Variants in AAGAB observed in about 807,000 individuals in gnomAD.
AAGAB encodes alpha- and gamma-adaptin-binding protein p34.
A neutral mutation model predicts 44.1 loss-of-function variants in AAGAB; 38 were observed. The ratio of observed to expected loss-of-function variants is 0.86; its 90% CI spans 0.67 to 1.13. The LOEUF is 1.13. Among genes scored for constraint, AAGAB ranks in the 50% most tolerant of loss-of-function variants. The pLI is 0.00. For synonymous variants in AAGAB, 131 were observed against 131.8 expected, an observed-to-expected ratio of 0.99 and a Z score of 0.04; for missense variants, 450 against 373.8, an observed-to-expected ratio of 1.20 and a Z score of -1.68.
intron 1 of AAGAB, among the ~76,000 whole-genome samples, chr15:67,251,784 G>A (rs1964879614): frequency 6.6e-6 from 1 of 152,110 alleles, no homozygotes; most frequent in Non-Finnish European, 1.5e-5. Flanking sequence ...TATTATGCGG[G>A]CTCCATCTCT....
At chr15:67,250,136 A>T (rs1055606749) in intron 1 of AAGAB, among the ~76,000 whole-genome samples, 1 of 152,108 alleles carries the variant, frequency 6.6e-6, no homozygotes, top group Non-Finnish European at 1.5e-5. Flanking sequence ...CTTCATTTTA[A>T]TATTTTCACA....
Position 67,231,796 on chromosome 15 carries a change from G to C in AAGAB, c.535+18C>G. The C allele has an allele frequency of 6.3e-7, 1 of 1,588,654 alleles. No individual in the cohort carries two copies. The highest frequency in any genetic ancestry group is 8.6e-7 in the Non-Finnish European group (1 of 1,157,686). On this transcript the variant is annotated intron_variant, in intron 5 of 9. Coordinates refer to ENST00000261880, the MANE Select transcript of AAGAB (RefSeq NM_024666.5). ...AGGAACAAGAGGAAAAAAATGACTT[G>C]AGTCCCAAGTTACTTACCATTCTTC...
At chr15:67,233,219 C>A (rs1596002690) in intron 4 of AAGAB, among the ~76,000 whole-genome samples, 2 of 152,258 alleles carry the variant, frequency 1.3e-5, no homozygotes, top group Non-Finnish European at 2.9e-5. Context: ...ACTTCTTGAT[C>A]AGAGAAAGAT....
chr15:67,233,332 T>G (rs917403372), intron 4 of AAGAB, among the ~76,000 whole-genome samples: 1 of 152,190 alleles, frequency 6.6e-6, no homozygotes, highest in Admixed American at 6.5e-5. Flanking sequence ...GCTTCTGGAA[T>G]TTGACTGATA....
At chr15:67,207,668 C>T (rs959481349) in intron 7 of AAGAB, among the ~76,000 whole-genome samples, 5 of 152,090 alleles carry the variant, frequency 3.3e-5, no homozygotes, top group East Asian at 1.9e-4. Flanking sequence ...TTTAGCCTTA[C>T]GGTATCTAGT....
intron 5 of AAGAB, among the ~76,000 whole-genome samples, chr15:67,227,941 C>T (rs1480908931): frequency 6.6e-6 from 1 of 151,870 alleles, no homozygotes; most frequent in Non-Finnish European, 1.5e-5. Context: ...TGCACCAGTA[C>T]TGTCAAGAAA....
At position 67,202,855 on chromosome 15, in the gene AAGAB, T is replaced by C. The variant is rs1299604814; in HGVS notation, c.914A>G (p.Glu305Gly). ...TTCATCAGATGAAAGGCCTTCAATT[T>C]CATCTCTGTCTCCCCCGATTGCCAT... ...FWMAIGGDRD[E>G]IEGLSSDEEH is the part of the protein sequence containing the mutation. The change falls in exon 10 of 10, where the codon GAA becomes GGA. Residue 305 changes from glutamate to glycine, a missense_variant. Coordinates refer to ENST00000261880, the MANE Select transcript of AAGAB (RefSeq NM_024666.5). 40 of 1,614,104 alleles carry C rather than the reference T, an allele frequency of 2.5e-5. No homozygotes were observed. The highest frequency in any genetic ancestry group is 3.4e-5 in the Non-Finnish European group (40 of 1,179,964).
At position 67,236,709 on chromosome 15, in the gene AAGAB, A is replaced by G; in HGVS notation, c.185T>C (p.Val62Ala). 1 of 1,614,036 alleles carries G rather than the reference A, an allele frequency of 6.2e-7. No individual in the cohort carries two copies. Among genetic ancestry groups the G allele is most frequent in the Admixed American group, 1.7e-5 (1 of 60,030 alleles). The change falls in exon 2 of 10, where the codon GTG becomes GCG. Residue 62 changes from valine to alanine, a missense_variant. Transcript: ENST00000261880. ...AGTAACAAGAAATTTGTTTGGCACCACACATAGATTGATGTCTGCTGAATA... is the reference window on the plus strand; with the variant it reads ...AGTAACAAGAAATTTGTTTGGCACCGCACATAGATTGATGTCTGCTGAATA... The part of the protein sequence containing the change: ...KYYSADINLC[V>A]VPNKFLVTAE...
intron 5 of AAGAB, among the ~76,000 whole-genome samples, chr15:67,229,146 T>C (rs1480039585): frequency 1.3e-5 from 2 of 151,968 alleles, no homozygotes; most frequent in African/African-American, 2.4e-5. Context: ...AAAATAAAGG[T>C]TGGAGGGCCA....
At chr15:67,254,697 G>A, upstream of AAGAB, 1 of 1,507,396 alleles carries the variant, frequency 6.6e-7, no homozygotes, top group Non-Finnish European at 9.1e-7. Context: ...ACGGCCGCCG[G>A]CGCGAGGGGG....
chr15:67,217,140 G>C (rs982948854), intron 5 of AAGAB, among the ~76,000 whole-genome samples: 1 of 152,140 alleles, frequency 6.6e-6, no homozygotes, highest in East Asian at 1.9e-4. Flanking sequence ...ACAACTGTCA[G>C]AGTATCCATT....
intron 5 of AAGAB, among the ~76,000 whole-genome samples, chr15:67,228,752 A>T (rs1316541356): frequency 6.6e-6 from 1 of 152,186 alleles, no homozygotes; most frequent in African/African-American, 2.4e-5. Context: ...GGACTGGATT[A>T]AAAAAATGTG....
At chr15:67,245,062 T>C (rs1964689562) in intron 1 of AAGAB, among the ~76,000 whole-genome samples, 1 of 152,108 alleles carries the variant, frequency 6.6e-6, no homozygotes, top group African/African-American at 2.4e-5. Context: ...TATGGGAATA[T>C]AAAATGGTGC....
chr15:67,231,854 G>T lies in AAGAB; in HGVS notation c.495C>A (p.Ala165=), dbSNP rs750244758. ...ESTGVKRIVQ[A]LNANVWSNVV... is the part of the protein sequence containing the mutation. ...CATTGGACCACACATTGGCATTCAGGGCTTGGACAATTCGCTTTACTCCTG... is the reference window on the plus strand; with the variant it reads ...CATTGGACCACACATTGGCATTCAGTGCTTGGACAATTCGCTTTACTCCTG... The change falls in exon 5 of 10, where the codon GCC becomes GCA. Residue 165 remains alanine (A), a synonymous_variant. Transcript: ENST00000261880. The T allele has an allele frequency of 6.2e-7, 1 of 1,612,650 alleles. No individual in the cohort carries two copies. The highest frequency in any genetic ancestry group is 8.5e-7 in the Non-Finnish European group (1 of 1,178,944).
At position 67,203,595 on chromosome 15, in the gene AAGAB, T is replaced by G; in HGVS notation, c.823A>C (p.Lys275Gln). ...TGCTCATGAGGAAGCGTCGCAGCCT[T>G]GTCTAGGGGGAAAATATATCTTAAG... ...LFSKLKEMKD[K>Q]AATLPHEQRK... Residue 275 changes from lysine to glutamine, a missense_variant and splice_region_variant, in exon 9 of 10, where the codon AAG becomes CAG. Lys to Gln is a moderately conservative substitution (Grantham distance 53). Coordinates refer to ENST00000261880, the MANE Select transcript of AAGAB (RefSeq NM_024666.5). 6.2e-7 allele frequency: 1 copy of G among 1,613,458 alleles called. No individual in the cohort carries two copies. The highest frequency in any genetic ancestry group is 8.5e-7 in the Non-Finnish European group (1 of 1,179,758).
In AAGAB at chr15:67,201,349, C is replaced by T. The variant is rs906277249; in HGVS notation, c.*1472G>A. 6.6e-6 allele frequency: 1 copy of T among 152,222 alleles called. No individual in the cohort carries two copies. Among genetic ancestry groups the T allele is most frequent in the Non-Finnish European group, 1.5e-5 (1 of 68,048 alleles). 9.4% of individuals were successfully genotyped at this position (152,222 alleles called of 1,614,324 possible). On this transcript the variant is annotated 3_prime_UTR_variant, in exon 10 of 10. Coordinates refer to ENST00000261880, the MANE Select transcript of AAGAB (RefSeq NM_024666.5). The stretch of plus-strand genomic sequence containing the variant: ...CAATGTCCAGTGTTCCCTGGAAAGC[C>T]TCTTCCTGAATGCTCCAGTCACTGA...
In AAGAB at chr15:67,236,427, G is replaced by A. The variant is rs1044353187; in HGVS notation, c.342C>T (p.Cys114=). Residue 114 remains cysteine (C), a synonymous_variant, in exon 3 of 10, where the codon TGC becomes TGT. Transcript: ENST00000261880. ...AWLPEVMILV[C]DRVSEDGINR... is the part of the protein sequence containing the mutation. ...CCTTACCATCTTCAGACACTCTATCGCAGACCAAGATCATCACCTCAGGTA... is the reference window on the plus strand; with the variant it reads ...CCTTACCATCTTCAGACACTCTATCACAGACCAAGATCATCACCTCAGGTA... 23 of 1,613,860 alleles carry A rather than the reference G, an allele frequency of 1.4e-5. No homozygotes were observed. The highest frequency in any genetic ancestry group is 1.9e-5 in the Non-Finnish European group (22 of 1,179,932).
rs187341585 is a variant in AAGAB, at chr15:67,235,878, G to C, written c.451+101C>G. On this transcript the variant is annotated intron_variant, in intron 4 of 9. Coordinates refer to ENST00000261880, the MANE Select transcript of AAGAB (RefSeq NM_024666.5). Reference sequence around the variant, plus strand: ...TTGCTTAAATCCTTGAAACAGCTGGGGAAAAAAGTTTCTTGAATTTTGCTG... The same window carrying C: ...TTGCTTAAATCCTTGAAACAGCTGGCGAAAAAAGTTTCTTGAATTTTGCTG... 3.4e-6 allele frequency: 3 copies of C among 884,810 alleles called. No homozygotes were observed. In the East Asian group the frequency reaches 7.9e-5, roughly 23 times the overall value. 54.8% of individuals were successfully genotyped at this position (884,810 alleles called of 1,614,324 possible). A position where few individuals can be genotyped will look rare whatever the true frequency, so the allele number is the denominator to read the frequency against.
At chr15:67,225,410 TTAATTTACATATCA>T (rs1429549569) in intron 5 of AAGAB, among the ~76,000 whole-genome samples, 1 of 152,208 alleles carries the variant, frequency 6.6e-6, no homozygotes, top group East Asian at 1.9e-4. Flanking sequence ...TTATTGAGAT[TTAATTTACATATCA>T]TAAAATCCAG....
Sources: allele counts gnomAD v4.1 joint callset (sites outside exome capture counted in the v4.1 genomes callset), GRCh38; gene constraint gnomAD v4.1.1; transcripts MANE v1.5; gene names NCBI Gene and HGNC (gene_info 2026-07-23, HGNC 2026-07-21).